The following SPOCK3 variants were observed in gnomAD, a reference collection of about 807,000 sequenced individuals.
SPOCK3 encodes SPARC (osteonectin), cwcv and kazal like domains proteoglycan 3.
SPOCK3 carries 30 observed loss-of-function variants against 56.6 expected under a neutral mutation model. The ratio of observed to expected loss-of-function variants is 0.53; its 90% CI spans 0.40 to 0.72. SPOCK3 has a LOEUF of 0.72. Among genes scored for constraint, SPOCK3 ranks in the 30% least tolerant of loss-of-function variants. SPOCK3 has a pLI of 0.00. For missense variants in SPOCK3, 527 were observed against 530.0 expected (o/e 0.99, Z 0.06); for synonymous variants, 196 against 183.3 (o/e 1.07, Z -0.56).
At chr4:166,814,419 G>A (rs528723278) in intron 6 of SPOCK3, among the ~76,000 whole-genome samples, 1 of 152,042 alleles carries the variant, frequency 6.6e-6, no homozygotes, top group Non-Finnish European at 1.5e-5. Flanking sequence ...TAGACTGGGA[G>A]AGGAAGACCC....
rs548388681 is a variant in SPOCK3, at chr4:166,809,967, C to T, written c.590-17678G>A. Among the ~76,000 whole-genome samples, 131 of 152,198 alleles carry T rather than the reference C, an allele frequency of 8.6e-4. 6 individuals carry two copies. In the South Asian group the frequency reaches 0.027, roughly 31 times the overall value. On this transcript the variant is annotated intron_variant, in intron 6 of 10. Coordinates refer to ENST00000357545, the MANE Select transcript of SPOCK3 (RefSeq NM_001040159.2). ...CAAATATGTCTCTCCAACACCTTTC[C>T]TGACTAATATGAATAACAACCACAA...
intron 7 of SPOCK3, among the ~76,000 whole-genome samples, chr4:166,789,673 T>G (rs2126646335): frequency 6.6e-6 from 1 of 152,240 alleles, no homozygotes; most frequent in South Asian, 2.1e-4. Flanking sequence ...GTTCCCCCTA[T>G]TTTTTAATGT....
intron 4 of SPOCK3, among the ~76,000 whole-genome samples, chr4:166,983,346 T>C (rs1240310708): frequency 6.6e-6 from 1 of 152,104 alleles, no homozygotes; most frequent in Non-Finnish European, 1.5e-5. Flanking sequence ...TCCCAATCTT[T>C]TCAGACTTTA....
intron 4 of SPOCK3, among the ~76,000 whole-genome samples, chr4:166,994,523 G>A (rs1327554472): frequency 6.6e-6 from 1 of 152,100 alleles, no homozygotes; most frequent in Non-Finnish European, 1.5e-5. Flanking sequence ...GAAAACTACA[G>A]AGGAGGCTCT....
chr4:166,875,777 A>G (rs1300140975), intron 6 of SPOCK3, among the ~76,000 whole-genome samples: 1 of 152,220 alleles, frequency 6.6e-6, no homozygotes, highest in African/African-American at 2.4e-5. Flanking sequence ...AGAAAGGTCT[A>G]GAATAGACAA....
At chr4:167,050,501 C>T (rs1754101556) in intron 3 of SPOCK3, among the ~76,000 whole-genome samples, 1 of 151,922 alleles carries the variant, frequency 6.6e-6, no homozygotes, top group Non-Finnish European at 1.5e-5. Flanking sequence ...TGGTTGTTTC[C>T]CAAATAAATA....
At chr4:167,087,619 C>T (rs1269347351) in intron 2 of SPOCK3, among the ~76,000 whole-genome samples, 1 of 152,116 alleles carries the variant, frequency 6.6e-6, no homozygotes, top group African/African-American at 2.4e-5. Flanking sequence ...TCATTTAGAA[C>T]TGTTTGATGG....
At chr4:166,982,608 A>G (rs1561082974) in intron 4 of SPOCK3, among the ~76,000 whole-genome samples, 1 of 152,186 alleles carries the variant, frequency 6.6e-6, no homozygotes, top group Non-Finnish European at 1.5e-5. Context: ...TGAAAATAAC[A>G]TTTTAGGGTT....
intron 6 of SPOCK3, among the ~76,000 whole-genome samples, chr4:166,807,547 C>T: frequency 6.6e-6 from 1 of 152,126 alleles, no homozygotes; most frequent in Non-Finnish European, 1.5e-5. Flanking sequence ...TGACCTGTCT[C>T]ATTATTTTAT....
At chr4:167,104,975 C>T (rs1430963068) in intron 2 of SPOCK3, among the ~76,000 whole-genome samples, 2 of 151,716 alleles carry the variant, frequency 1.3e-5, no homozygotes, top group Non-Finnish European at 2.9e-5. Context: ...AAAACAACAT[C>T]AACAAACTTT....
intron 2 of SPOCK3, among the ~76,000 whole-genome samples, chr4:167,147,133 C>A (rs1156571577): frequency 1.3e-5 from 2 of 152,060 alleles, no homozygotes; most frequent in Admixed American, 1.3e-4. Context: ...GGGGATATCA[C>A]CACTGATTCC....
chr4:166,787,855 GCATTATAT>G (rs1740898430), intron 7 of SPOCK3, among the ~76,000 whole-genome samples: 2 of 152,056 alleles, frequency 1.3e-5, no homozygotes, highest in African/African-American at 4.8e-5. Flanking sequence ...GCAATTGTTA[GCATTATAT>G]CTACTAAGTG....
intron 2 of SPOCK3, among the ~76,000 whole-genome samples, chr4:167,184,270 A>G (rs763505878): frequency 3.5e-4 from 53 of 152,182 alleles, no homozygotes; most frequent in Non-Finnish European, 7.5e-4. Flanking sequence ...TAATCAAGAA[A>G]CAGCCAATTC....
At position 167,234,440 on chromosome 4, in the gene SPOCK3, G is replaced by A; in HGVS notation, c.-1+10C>T. 1.8e-6 allele frequency: 1 copy of A among 553,100 alleles called. No individual in the cohort carries two copies. The highest frequency in any genetic ancestry group is 2.2e-5 in the South Asian group (1 of 45,968). 34.3% of individuals were successfully genotyped at this position (553,100 alleles called of 1,614,324 possible). On this transcript the variant is annotated intron_variant, in intron 1 of 10. Transcript: ENST00000357545. ...CCGAGCGGGCACAAAACCGCTTCCT[G>A]GCACATCACCTTGTTGTGAGCCAGC...
chr4:166,841,451 GATT>G (rs1050473329), intron 6 of SPOCK3, among the ~76,000 whole-genome samples: 1 of 152,062 alleles, frequency 6.6e-6, no homozygotes, highest in Non-Finnish European at 1.5e-5. Flanking sequence ...AAGAAAAAAA[GATT>G]ATTTTACATT....
intron 7 of SPOCK3, among the ~76,000 whole-genome samples, chr4:166,779,294 A>G (rs1198705070): frequency 6.6e-6 from 1 of 152,190 alleles, no homozygotes; most frequent in African/African-American, 2.4e-5. Context: ...TCAAAAAAAA[A>G]GTAAAGATAA....
chr4:166,820,444 A>G (rs1361695188), intron 6 of SPOCK3, among the ~76,000 whole-genome samples: 2 of 152,052 alleles, frequency 1.3e-5, no homozygotes, highest in Non-Finnish European at 2.9e-5. Flanking sequence ...CTTGATATAA[A>G]TCCTTACATT....
intron 2 of SPOCK3, among the ~76,000 whole-genome samples, chr4:167,101,253 T>A (rs1158177442): frequency 6.6e-6 from 1 of 152,070 alleles, no homozygotes; most frequent in Non-Finnish European, 1.5e-5. Context: ...CCCTCCCACT[T>A]CCCCAAAATT....
At chr4:166,820,421 G>T (rs912422661) in intron 6 of SPOCK3, among the ~76,000 whole-genome samples, 2 of 151,972 alleles carry the variant, frequency 1.3e-5, no homozygotes, top group Non-Finnish European at 2.9e-5. Flanking sequence ...ATTAATGGAA[G>T]AAAATTGACA....
Sources: gnomAD v4.1 joint callset for allele counts (sites outside exome capture counted in the v4.1 genomes callset) on GRCh38, gnomAD v4.1.1 for gene constraint, MANE v1.5 for transcripts, NCBI Gene and HGNC (gene_info 2026-07-23, HGNC 2026-07-21) for gene names.